PCDH10: variants seen among roughly 807,000 people sequenced by gnomAD.
PCDH10 encodes protocadherin-10.
A neutral mutation model predicts 74.4 loss-of-function variants in PCDH10; 15 were observed. That is an observed-to-expected ratio of 0.20 (90% CI 0.13 to 0.31). PCDH10 has a LOEUF of 0.31. Among genes scored for constraint, PCDH10 ranks in the 10% least tolerant of loss-of-function variants. The pLI, the probability that PCDH10 is intolerant of heterozygous loss-of-function variation, is 1.00. For missense variants in PCDH10, 1,260 were observed against 1,390.2 expected (o/e 0.91, Z 1.49); for synonymous variants, 619 against 589.8 (o/e 1.05, Z -0.72).
At chr4:133,163,881 TAAAG>T in intron 4 of PCDH10, 1 of 439,894 alleles carries the variant, frequency 2.3e-6, no homozygotes, top group Non-Finnish European at 4.5e-6. Context: ...TTTAAAAACT[TAAAG>T]GAAAAAAACA....
At chr4:133,187,988 G>T (rs1254304621) in intron 4 of PCDH10, among the ~76,000 whole-genome samples, 2 of 151,948 alleles carry the variant, frequency 1.3e-5, no homozygotes, top group Non-Finnish European at 2.9e-5. Context: ...TTAGTTTTTT[G>T]ACATAATGAA....
chr4:133,198,655 G>C (rs1209814961), downstream of PCDH10, among the ~76,000 whole-genome samples: 2 of 152,052 alleles, frequency 1.3e-5, no homozygotes, highest in Non-Finnish European at 2.9e-5. Context: ...TTAGAAACCA[G>C]AATAGGGGAA....
chr4:133,150,785 A>AGAGGGG lies in PCDH10; in HGVS notation c.646_647insAGGGGG (p.Glu214_Gly215dup). The AGAGGGG allele has an allele frequency of 1.8e-6, 1 of 541,302 alleles. No individual in the cohort carries two copies. The highest frequency in any genetic ancestry group is 2.5e-6 in the Non-Finnish European group (1 of 397,108). 33.5% of individuals were successfully genotyped at this position (541,302 alleles called of 1,614,324 possible). A position where few individuals can be genotyped will look rare whatever the true frequency, so the allele number is the denominator to read the frequency against. ...GAGGTGGGGGAGGAGTAGGAGAAGG[A>AGAGGGG]GGGGGAGGTGGCGGGGGAGCAGGCC... On this transcript the variant is annotated inframe_insertion, in exon 1 of 5. Transcript: ENST00000264360.
intron 4 of PCDH10, 88 bp from the exon 5 acceptor site, chr4:133,190,053 C>G: frequency 8.9e-7 from 1 of 1,121,682 alleles, no homozygotes; most frequent in Admixed American, 1.8e-5. Flanking sequence ...TAGTTTCTAA[C>G]TGTATTCTTT....
Position 133,158,842 on chromosome 4 carries a change from CAG to C in PCDH10, c.2797+3823_2797+3824del, listed in dbSNP as rs1417928105. Among the ~76,000 whole-genome samples, 5 of 151,804 alleles carry C rather than the reference CAG, an allele frequency of 3.3e-5. No individual in the cohort carries two copies. In the South Asian group the frequency reaches 8.3e-4, roughly 25 times the overall value. ...CTTTGAGCTGCAACTTGAAAATGTG[CAG>C]AGATTTATAACTGGAGGCAATATAG... On this transcript the variant is annotated intron_variant, in intron 3 of 4. Coordinates refer to ENST00000264360, the MANE Select transcript of PCDH10 (RefSeq NM_032961.3).
chr4:133,155,724 G>C (rs1283615765), intron 3 of PCDH10, among the ~76,000 whole-genome samples: 1 of 151,992 alleles, frequency 6.6e-6, no homozygotes, highest in Non-Finnish European at 1.5e-5. Flanking sequence ...TCACTGATAG[G>C]TTTCAATGTG....
chr4:133,204,911 G>C (rs1225770161), intron 2 of PCDH10, among the ~76,000 whole-genome samples: 2 of 152,204 alleles, frequency 1.3e-5, no homozygotes. Context: ...CACTTGGAGT[G>C]TGTACTTGGA....
intron 4 of PCDH10, among the ~76,000 whole-genome samples, chr4:133,186,056 T>C (rs1264182556): frequency 6.6e-6 from 1 of 152,056 alleles, no homozygotes; most frequent in Non-Finnish European, 1.5e-5. Flanking sequence ...TTAATTTGTT[T>C]AAGTATTTAA....
At chr4:133,159,716 T>G (rs938489091) in intron 3 of PCDH10, among the ~76,000 whole-genome samples, 1 of 152,032 alleles carries the variant, frequency 6.6e-6, no homozygotes, top group Admixed American at 6.6e-5. Context: ...TGTAATTTTC[T>G]GTTCTAAAAT....
intron 4 of PCDH10, among the ~76,000 whole-genome samples, chr4:133,184,658 TAA>T (rs750964011): frequency 4.1e-5 from 6 of 146,810 alleles, no homozygotes; most frequent in Non-Finnish European, 6.0e-5. Context: ...TATAAATAAA[TAA>T]GTTATTTATT....
chr4:133,164,023 G>T, intron 4 of PCDH10: 1 of 455,998 alleles, frequency 2.2e-6, no homozygotes, highest in South Asian at 1.6e-5. Flanking sequence ...TAAAGGAATG[G>T]TCTTTTATTA....
intron 4 of PCDH10, among the ~76,000 whole-genome samples, chr4:133,173,427 C>T (rs1202268030): frequency 6.6e-6 from 1 of 151,976 alleles, no homozygotes; most frequent in Non-Finnish European, 1.5e-5. Context: ...CTAACCTTGA[C>T]ATCGGTTCTT....
chr4:133,165,430 TAA>T (rs1368091828), intron 4 of PCDH10, among the ~76,000 whole-genome samples: 1 of 151,674 alleles, frequency 6.6e-6, no homozygotes, highest in Non-Finnish European at 1.5e-5. Context: ...ATACAAACTC[TAA>T]AACAAAACTA....
intron 4 of PCDH10, among the ~76,000 whole-genome samples, chr4:133,179,070 G>C (rs1238204445): frequency 6.6e-6 from 1 of 151,994 alleles, no homozygotes; most frequent in African/African-American, 2.4e-5. Flanking sequence ...CCACAAAGTA[G>C]CCAGGCAGTC....
intron 1 of PCDH10, 84 bp downstream of exon 1, chr4:133,152,855 AC>A: frequency 6.4e-7 from 1 of 1,568,588 alleles, no homozygotes; most frequent in South Asian, 1.2e-5. Flanking sequence ...TCTCTGGTGC[AC>A]TGTATCTATT....
chr4:133,184,453 T>G (rs549906749), intron 4 of PCDH10, among the ~76,000 whole-genome samples: 1 of 151,500 alleles, frequency 6.6e-6, no homozygotes, highest in Non-Finnish European at 1.5e-5. Context: ...TGAAACCCCA[T>G]CTGTACTAAA....
chr4:133,169,340 G>T (rs1047054435), intron 4 of PCDH10, among the ~76,000 whole-genome samples: 1 of 151,432 alleles, frequency 6.6e-6, no homozygotes, highest in Non-Finnish European at 1.5e-5. Flanking sequence ...GTAAAATATT[G>T]TCATTTAAGG....
At chr4:133,204,741 T>C (rs1028824669) in intron 2 of PCDH10, among the ~76,000 whole-genome samples, 1 of 152,172 alleles carries the variant, frequency 6.6e-6, no homozygotes, top group African/African-American at 2.4e-5. Flanking sequence ...TTATTTTACT[T>C]GCCTCCTATT....
At position 133,151,773 on chromosome 4, in the gene PCDH10, G is replaced by A. The variant is rs1414341703; in HGVS notation, c.1633G>A (p.Ala545Thr). The A allele has an allele frequency of 1.2e-6, 2 of 1,612,994 alleles. No individual in the cohort carries two copies. Among genetic ancestry groups the A allele is most frequent in the Non-Finnish European group, 1.7e-6 (2 of 1,180,056 alleles). Reference protein sequence around the residue: ...QLKDFSFQVEARDAGSPQALA... With the variant: ...QLKDFSFQVETRDAGSPQALA... ...GAAGGACTTCAGTTTTCAGGTGGAA[G>A]CCCGGGACGCTGGCAGCCCCCAGGC... The change falls in exon 1 of 5, where the codon GCC (alanine) becomes ACC (threonine). Residue 545 changes from alanine (A) to threonine (T), a missense_variant. By Grantham distance (58) the Ala-to-Thr change is moderately conservative. Coordinates refer to ENST00000264360, the MANE Select transcript of PCDH10 (RefSeq NM_032961.3).
Sources: allele counts gnomAD v4.1 joint callset (sites outside exome capture counted in the v4.1 genomes callset), GRCh38; gene constraint gnomAD v4.1.1; transcripts MANE v1.5; gene names NCBI Gene and HGNC (gene_info 2026-07-23, HGNC 2026-07-21).